Variants in TRAPPC9 observed in about 807,000 individuals in gnomAD.
TRAPPC9 encodes the protein trafficking protein particle complex subunit 9.
A neutral mutation model predicts 124.0 loss-of-function variants in TRAPPC9; 83 were observed. The ratio of observed to expected loss-of-function variants is 0.67; its 90% CI spans 0.56 to 0.80. The LOEUF is 0.80. Among genes scored for constraint, TRAPPC9 ranks in the 30% least tolerant of loss-of-function variants. The pLI is 0.00. For synonymous variants in TRAPPC9, 638 were observed against 617.5 expected, an observed-to-expected ratio of 1.03 and a Z score of -0.49; for missense variants, 1,302 against 1,508.3, an observed-to-expected ratio of 0.86 and a Z score of 2.27.
chr8:140,418,435 G>A (rs1020862602), intron 5 of TRAPPC9, among the ~76,000 whole-genome samples: 24 of 152,232 alleles, frequency 1.6e-4, no homozygotes, highest in African/African-American at 4.1e-4. Flanking sequence ...GAATATAGAC[G>A]CAAGGCCGGG....
At chr8:139,857,614 G>T (rs1342911771) in intron 21 of TRAPPC9, among the ~76,000 whole-genome samples, 19 of 152,202 alleles carry the variant, frequency 1.2e-4, no homozygotes, top group Non-Finnish European at 2.9e-5. Flanking sequence ...GCAGCCACAG[G>T]AGCTCCGTAT....
At chr8:140,124,077 T>C (rs1281070227) in intron 17 of TRAPPC9, among the ~76,000 whole-genome samples, 6 of 152,218 alleles carry the variant, frequency 3.9e-5, no homozygotes. Context: ...AGCTGGTTAT[T>C]TAAACTTCTG....
At chr8:140,050,563 C>T (rs1459635492) in intron 17 of TRAPPC9, among the ~76,000 whole-genome samples, 3 of 152,118 alleles carry the variant, frequency 2.0e-5, no homozygotes, top group African/African-American at 7.2e-5. Flanking sequence ...CATGCACCAG[C>T]CTCCATGACT....
At chr8:140,376,717 A>T (rs1778858384) in intron 7 of TRAPPC9, among the ~76,000 whole-genome samples, 1 of 151,546 alleles carries the variant, frequency 6.6e-6, no homozygotes, top group Non-Finnish European at 1.5e-5. Context: ...CTCAACTAAA[A>T]ATATAAAAAT....
intron 18 of TRAPPC9, among the ~76,000 whole-genome samples, chr8:139,998,626 G>A (rs1469191031): frequency 6.6e-6 from 1 of 152,148 alleles, no homozygotes; most frequent in African/African-American, 2.4e-5. Flanking sequence ...GGAGGCTGAG[G>A]CAGGAGAATG....
At chr8:140,372,240 G>T (rs1400200604) in intron 7 of TRAPPC9, among the ~76,000 whole-genome samples, 3 of 152,230 alleles carry the variant, frequency 2.0e-5, no homozygotes, top group Non-Finnish European at 4.4e-5. Flanking sequence ...CCACTCTGCT[G>T]CTCCAGGAGC....
intron 19 of TRAPPC9, among the ~76,000 whole-genome samples, chr8:139,988,131 C>T (rs1163353703): frequency 1.7e-5 from 2 of 117,212 alleles, no homozygotes; most frequent in East Asian, 2.4e-4. Flanking sequence ...TTTTTTGAGG[C>T]GGAGTCTCGC....
chr8:140,390,182 G>A (rs1340826572), intron 7 of TRAPPC9, among the ~76,000 whole-genome samples: 1 of 151,924 alleles, frequency 6.6e-6, no homozygotes, highest in Non-Finnish European at 1.5e-5. Context: ...GCGGGTGCCA[G>A]TAACCCCAGC....
At chr8:140,221,802 T>C (rs1587956521) in intron 16 of TRAPPC9, among the ~76,000 whole-genome samples, 1 of 152,336 alleles carries the variant, frequency 6.6e-6, no homozygotes, top group East Asian at 1.9e-4. Flanking sequence ...CACACCTGGC[T>C]AATTTTTGTA....
chr8:139,737,448 G>C (rs1253588094), intron 21 of TRAPPC9, among the ~76,000 whole-genome samples: 1 of 151,020 alleles, frequency 6.6e-6, no homozygotes, highest in Non-Finnish European at 1.5e-5. Context: ...ACAGCCTTCA[G>C]GCGGGGGTCA....
chr8:140,175,001 A>ATTTTTTTT (rs35949640), intron 17 of TRAPPC9, among the ~76,000 whole-genome samples: 1 of 141,002 alleles, frequency 7.1e-6, no homozygotes, highest in Non-Finnish European at 1.5e-5. Context: ...GCACCTGGGG[A>ATTTTTTTT]TTTTTTTTTT....
At chr8:140,165,537 A>G (rs1351662228) in intron 17 of TRAPPC9, among the ~76,000 whole-genome samples, 1 of 146,894 alleles carries the variant, frequency 6.8e-6, no homozygotes, top group Non-Finnish European at 1.5e-5. Flanking sequence ...AGTGTCTGTC[A>G]AAAGAAAAAG....
intron 9 of TRAPPC9, among the ~76,000 whole-genome samples, chr8:140,338,859 A>G (rs13259949): frequency 0.044 from 827 of 18,812 alleles, 157 homozygotes; most frequent in African/African-American, 0.072. Context: ...GCCACCAGAC[A>G]GCCACCTACA....
intron 17 of TRAPPC9, among the ~76,000 whole-genome samples, chr8:140,142,955 CATT>C (rs1460431096): frequency 6.6e-6 from 1 of 152,130 alleles, no homozygotes; most frequent in Non-Finnish European, 1.5e-5. Context: ...TACTCAGATA[CATT>C]AAAACCCTCT....
chr8:139,936,746 TA>T lies in TRAPPC9; in HGVS notation c.2811-26447del, dbSNP rs200064571. Among the ~76,000 whole-genome samples, 623 of 127,606 alleles carry T rather than the reference TA, an allele frequency of 4.9e-3. 13 individuals carry two copies. The highest frequency in any genetic ancestry group is 0.014 in the African/African-American group (396 of 27,948). 83.7% of individuals were successfully genotyped at this position (127,606 alleles called of 152,430 possible). A position where few individuals can be genotyped will look rare whatever the true frequency, so the allele number is the denominator to read the frequency against. On this transcript the variant is annotated intron_variant, in intron 19 of 22. Coordinates refer to ENST00000438773, the MANE Select transcript of TRAPPC9 (RefSeq NM_001160372.4). Reference sequence around the variant, plus strand: ...AGTGTGGTATAAAGCAGGGAGAGAATAGGGGAGTGGGCACTGCAGTGTGGTA... The same window carrying T: ...AGTGTGGTATAAAGCAGGGAGAGAATGGGGAGTGGGCACTGCAGTGTGGTA...
intron 7 of TRAPPC9, among the ~76,000 whole-genome samples, chr8:140,396,432 C>T (rs899019340): frequency 6.6e-6 from 1 of 152,104 alleles, no homozygotes; most frequent in Non-Finnish European, 1.5e-5. Flanking sequence ...TGAGCCACTG[C>T]GCCTGGCCAA....
At chr8:140,429,886 C>T (rs546475753) in intron 4 of TRAPPC9, among the ~76,000 whole-genome samples, 2 of 150,782 alleles carry the variant, frequency 1.3e-5, no homozygotes, top group South Asian at 4.2e-4. Context: ...GTGGCTCACG[C>T]CTGTAATTCC....
Position 140,225,354 on chromosome 8 carries a change from G to A in TRAPPC9, c.2432-3771C>T, listed in dbSNP as rs117832842. Reference sequence around the variant, plus strand: ...ACACGCACACAGTTTACACACACACGCTCAATAAAAATTCCATCATCCCAA... The same window carrying A: ...ACACGCACACAGTTTACACACACACACTCAATAAAAATTCCATCATCCCAA... On this transcript the variant is annotated intron_variant, in intron 16 of 22. Coordinates refer to ENST00000438773, the MANE Select transcript of TRAPPC9 (RefSeq NM_001160372.4). Among the ~76,000 whole-genome samples, 24 of 152,142 alleles carry A rather than the reference G, an allele frequency of 1.6e-4. No homozygotes were observed. The East Asian group carries it at 4.4e-3, about 28-fold the overall frequency.
chr8:139,947,658 G>GT (rs1440992569), intron 19 of TRAPPC9, among the ~76,000 whole-genome samples: 2 of 151,680 alleles, frequency 1.3e-5, no homozygotes, highest in Non-Finnish European at 2.9e-5. Flanking sequence ...TCAGGAGTTT[G>GT]TGATCAGCCT....
Sources: allele counts gnomAD v4.1 joint callset (sites outside exome capture counted in the v4.1 genomes callset), GRCh38; gene constraint gnomAD v4.1.1; transcripts MANE v1.5; gene names NCBI Gene and HGNC (gene_info 2026-07-23, HGNC 2026-07-21).